VWA8: variants seen among roughly 807,000 people sequenced by gnomAD.
The protein encoded by VWA8 is von Willebrand factor A domain-containing protein 8.
VWA8 carries 221 observed loss-of-function variants against 241.5 expected under a neutral mutation model. That is an observed-to-expected ratio of 0.91 (90% CI 0.82 to 1.02). The LOEUF (loss-of-function observed/expected upper bound fraction) is 1.02. VWA8 is among the 50% of genes least tolerant of loss of function. The pLI is 0.00. For missense variants in VWA8, 2,322 were observed against 2,328.7 expected (o/e 1.00, Z 0.06); for synonymous variants, 852 against 827.1 (o/e 1.03, Z -0.52).
intron 17 of VWA8, among the ~76,000 whole-genome samples, chr13:41,796,787 T>TA (rs76339210): frequency 1.5e-3 from 213 of 142,110 alleles, no homozygotes; most frequent in Middle Eastern, 3.6e-3. Context: ...GTTTAAAACT[T>TA]AAAAAAAAAA....
At chr13:41,790,589 T>C (rs960987385) in intron 17 of VWA8, among the ~76,000 whole-genome samples, 1 of 152,022 alleles carries the variant, frequency 6.6e-6, no homozygotes, top group Non-Finnish European at 1.5e-5. Flanking sequence ...CAGCATAGAA[T>C]TGAATTTTGA....
chr13:41,892,917 T>A (rs188027185), intron 4 of VWA8, among the ~76,000 whole-genome samples: 1 of 152,282 alleles, frequency 6.6e-6, no homozygotes, highest in Admixed American at 6.5e-5. Context: ...CAATGCAGCA[T>A]CTACCTACCT....
intron 1 of VWA8, 100 bp downstream of exon 1, chr13:41,960,753 C>A: frequency 7.1e-7 from 1 of 1,403,018 alleles, no homozygotes; most frequent in East Asian, 3.0e-5. Flanking sequence ...AACGGTCCTT[C>A]CAAGCGCAGC....
intron 21 of VWA8, among the ~76,000 whole-genome samples, chr13:41,746,851 T>C (rs189697820): frequency 1.3e-5 from 2 of 152,330 alleles, no homozygotes; most frequent in Admixed American, 1.3e-4. Flanking sequence ...ATAGTATATA[T>C]AGGCTGAAGT....
intron 32 of VWA8, 21 bp downstream of exon 32, chr13:41,691,299 A>G (rs746335959): frequency 1.9e-6 from 3 of 1,610,038 alleles, no homozygotes; most frequent in East Asian, 4.5e-5. Flanking sequence ...ACTCCATGAT[A>G]CACTATATAA....
At chr13:41,864,986 T>G (rs1490203267) in intron 12 of VWA8, among the ~76,000 whole-genome samples, 1 of 97,560 alleles carries the variant, frequency 1.0e-5, no homozygotes, top group Non-Finnish European at 2.0e-5. Context: ...TGAAACTCCA[T>G]CTCAAAAAAA....
At chr13:41,958,948 CAT>C (rs1043070937) in intron 1 of VWA8, among the ~76,000 whole-genome samples, 5 of 152,180 alleles carry the variant, frequency 3.3e-5, no homozygotes, top group Non-Finnish European at 7.4e-5. Context: ...CTCACACCCA[CAT>C]GTGTTTTTAC....
At chr13:41,698,008 C>G (rs1242001255) in intron 29 of VWA8, among the ~76,000 whole-genome samples, 1 of 152,152 alleles carries the variant, frequency 6.6e-6, no homozygotes, top group African/African-American at 2.4e-5. Context: ...TTCCAGGTAC[C>G]TGTTCTCCTC....
Position 41,690,161 on chromosome 13 carries a change from T to C in VWA8, c.3976+5A>G. The C allele has an allele frequency of 6.2e-7, 1 of 1,610,634 alleles. No homozygotes were observed. Among genetic ancestry groups the C allele is most frequent in the South Asian group, 1.1e-5 (1 of 90,930 alleles). On this transcript the variant is annotated splice_donor_5th_base_variant and intron_variant, in intron 33 of 44. Coordinates refer to ENST00000379310, the MANE Select transcript of VWA8 (RefSeq NM_015058.2). ...AGCCATAAACACAGATGACATAGTATTTACCTTGTGTAACTCCAAACCCTG... is the reference window on the plus strand; with the variant it reads ...AGCCATAAACACAGATGACATAGTACTTACCTTGTGTAACTCCAAACCCTG...
At chr13:41,586,437 C>G (rs2044418572) in intron 42 of VWA8, among the ~76,000 whole-genome samples, 1 of 152,176 alleles carries the variant, frequency 6.6e-6, no homozygotes. Flanking sequence ...GTATTTGTAT[C>G]CTGTACTTGG....
chr13:41,628,790 C>A (rs901682440), intron 37 of VWA8, among the ~76,000 whole-genome samples: 3 of 152,172 alleles, frequency 2.0e-5, no homozygotes, highest in African/African-American at 7.2e-5. Context: ...CGCCTGTAAT[C>A]CCAGCACTTT....
rs1016876909 is a variant in VWA8, at chr13:41,919,535, G to A, written c.242-7367C>T. Among the ~76,000 whole-genome samples, 7 of 152,042 alleles carry A rather than the reference G, an allele frequency of 4.6e-5. No individual in the cohort carries two copies. The East Asian group carries it at 9.7e-4, about 21-fold the overall frequency. The stretch of plus-strand genomic sequence containing the variant: ...GTAGTCATTGCACCCCTCCATCCTG[G>A]AGGCTTTGCCATCACTGCAGCACAG... On this transcript the variant is annotated intron_variant, in intron 2 of 44. Coordinates refer to ENST00000379310, the MANE Select transcript of VWA8 (RefSeq NM_015058.2).
intron 34 of VWA8, among the ~76,000 whole-genome samples, chr13:41,686,136 TG>T (rs1261876115): frequency 6.6e-6 from 1 of 152,176 alleles, no homozygotes; most frequent in African/African-American, 2.4e-5. Flanking sequence ...TATCTGTTTC[TG>T]GGCACTGCAT....
chr13:41,694,970 A>T (rs2045206798), intron 29 of VWA8, among the ~76,000 whole-genome samples: 1 of 152,176 alleles, frequency 6.6e-6, no homozygotes, highest in South Asian at 2.1e-4. Context: ...AATTGGCAAC[A>T]TGAAGGAGTT....
At chr13:41,738,868 G>A (rs1353900082) in intron 21 of VWA8, among the ~76,000 whole-genome samples, 2 of 152,128 alleles carry the variant, frequency 1.3e-5, no homozygotes, top group Non-Finnish European at 2.9e-5. Flanking sequence ...ATACAAAGAT[G>A]CACACACAGA....
chr13:41,789,159 A>G (rs10507498), intron 17 of VWA8, among the ~76,000 whole-genome samples: 34,066 of 152,084 alleles, frequency 0.22, 3,815 homozygotes, highest in East Asian at 0.26. Flanking sequence ...CAAATGAGGA[A>G]AATGGAACAT....
chr13:41,830,054 A>G (rs577096159), intron 14 of VWA8, among the ~76,000 whole-genome samples: 1 of 152,272 alleles, frequency 6.6e-6, no homozygotes, highest in South Asian at 2.1e-4. Flanking sequence ...CATCCTGGCT[A>G]ACAAGGTGAA....
rs1264416717 is a variant in VWA8, at chr13:41,868,424, T to C, written c.1134A>G (p.Lys378=). ...GSSLLPKEIV[K]VEKMMENHVS... ...CATGGTTTTCCATCATCTTCTCTAC[T>C]TTTACAATCTCTTTAGGAAGTAGAG... Residue 378 remains lysine, a synonymous_variant, in exon 10 of 45, where the codon AAA becomes AAG. Coordinates refer to ENST00000379310, the MANE Select transcript of VWA8 (RefSeq NM_015058.2). The C allele has an allele frequency of 9.9e-6, 16 of 1,614,114 alleles. No homozygotes were observed. Among genetic ancestry groups the C allele is most frequent in the African/African-American group, 1.3e-5 (1 of 75,050 alleles).
At position 41,701,437 on chromosome 13, in the gene VWA8, G is replaced by T; in HGVS notation, c.3319C>A (p.Pro1107Thr). The T allele has an allele frequency of 6.2e-7, 1 of 1,611,284 alleles. No individual in the cohort carries two copies. The highest frequency in any genetic ancestry group is 8.5e-7 in the Non-Finnish European group (1 of 1,178,890). ...CAGATTATATTAATTTCATCCAATG[G>T]TATTCTCCATGAGGCACATTCTTCA... ...FTEECASWRI[P>T]LDEINIICDI... The change falls in exon 28 of 45, where the codon CCA becomes ACA. Residue 1107 changes from proline (P) to threonine (T), a missense_variant. Coordinates refer to ENST00000379310, the MANE Select transcript of VWA8 (RefSeq NM_015058.2).
Sources: allele counts gnomAD v4.1 joint callset (sites outside exome capture counted in the v4.1 genomes callset), GRCh38; gene constraint gnomAD v4.1.1; transcripts MANE v1.5; gene names NCBI Gene and HGNC (gene_info 2026-07-23, HGNC 2026-07-21).